Variants in TPO observed in about 807,000 individuals in gnomAD.
The protein encoded by TPO is thyroid microsomal antigen.
Under a neutral mutation model 96.9 loss-of-function variants are expected in TPO, and 78 were observed. The ratio of observed to expected loss-of-function variants is 0.81; its 90% CI spans 0.67 to 0.97. TPO has a LOEUF of 0.97. Among genes scored for constraint, TPO ranks in the 50% least tolerant of loss-of-function variants. TPO has a pLI of 0.00. For synonymous variants in TPO, 547 were observed against 538.0 expected, an observed-to-expected ratio of 1.02 and a Z score of -0.23; for missense variants, 1,252 against 1,274.8, an observed-to-expected ratio of 0.98 and a Z score of 0.27.
chr2:1,510,389 G>A (rs1284315065), intron 14 of TPO, among the ~76,000 whole-genome samples: 1 of 152,128 alleles, frequency 6.6e-6, no homozygotes, highest in Non-Finnish European at 1.5e-5. Context: ...CTGTATTTTT[G>A]ATAATATCTA....
intron 2 of TPO, among the ~76,000 whole-genome samples, chr2:1,420,486 G>A (rs557139846): frequency 2.0e-4 from 30 of 152,230 alleles, no homozygotes; most frequent in African/African-American, 6.0e-4. Context: ...AGATCAGCAG[G>A]ATCAAAATTT....
At chr2:1,380,372 C>T (rs370644909) in intron 1 of TPO, among the ~76,000 whole-genome samples, 2,065 of 134,926 alleles carry the variant, frequency 0.015, 56 homozygotes, top group South Asian at 0.12. Flanking sequence ...CCAGCCTGGG[C>T]GACAGAGCGA....
In TPO at chr2:1,478,540, A is replaced by G. The variant is rs539391862; in HGVS notation, c.1338+936A>G. Among the ~76,000 whole-genome samples, 11 of 152,368 alleles carry G rather than the reference A, an allele frequency of 7.2e-5. No homozygotes were observed. In the East Asian group the frequency reaches 1.9e-3, roughly 27 times the overall value. ...TCTGGCCTTCACTGCACTGGGGTCC[A>G]GGCCCCAAAGGTCAGAGCAGAGGGT... is the stretch of plus-strand genomic sequence containing the variant. On this transcript the variant is annotated intron_variant, in intron 8 of 16. Transcript: ENST00000329066.
chr2:1,542,545 C>T lies in TPO; in HGVS notation c.*71C>T. 1 of 1,603,780 alleles carries T rather than the reference C, an allele frequency of 6.2e-7. No homozygotes were observed. Among genetic ancestry groups the T allele is most frequent in the South Asian group, 1.1e-5 (1 of 89,184 alleles). On this transcript the variant is annotated 3_prime_UTR_variant, in exon 17 of 17. Transcript: ENST00000329066. ...TCACCGTACGACTCTTTTCCAAACA[C>T]AGGCAAATCCGAAATCAGCAGGACG...
chr2:1,413,677 A>T, intron 1 of TPO, 132 bp downstream of exon 1: 1 of 985,316 alleles, frequency 1.0e-6, no homozygotes, highest in Middle Eastern at 5.2e-4. Flanking sequence ...AGCAAAGCTG[A>T]CTGACTGACT....
intron 14 of TPO, among the ~76,000 whole-genome samples, chr2:1,514,498 C>A (rs1362667374): frequency 6.6e-6 from 1 of 152,192 alleles, no homozygotes; most frequent in Non-Finnish European, 1.5e-5. Context: ...TTCCAAAGGC[C>A]CTCGTTGGCC....
chr2:1,537,476 T>C (rs59468106), intron 15 of TPO, among the ~76,000 whole-genome samples: 183 of 27,160 alleles, frequency 6.7e-3, no homozygotes, highest in South Asian at 0.011. Context: ...CTCCTCAAAT[T>C]CTTCCACTCT....
At chr2:1,470,558 T>C (rs1669304971) in intron 7 of TPO, among the ~76,000 whole-genome samples, 1 of 150,420 alleles carries the variant, frequency 6.6e-6, no homozygotes, top group South Asian at 2.1e-4. Context: ...TTTTTCTATA[T>C]TTTATTTTAA....
chr2:1,471,734 G>A (rs1346912176), intron 7 of TPO, among the ~76,000 whole-genome samples: 2 of 152,106 alleles, frequency 1.3e-5, no homozygotes, highest in African/African-American at 4.8e-5. Flanking sequence ...TAGGGGAAAG[G>A]GGGCATGATA....
At chr2:1,535,201 CTCA>C (rs1679319312) in intron 15 of TPO, among the ~76,000 whole-genome samples, 2 of 136,170 alleles carry the variant, frequency 1.5e-5, no homozygotes, top group African/African-American at 2.8e-5. Context: ...CTTGTGCAAC[CTCA>C]TCAATTTCCC....
chr2:1,536,118 C>A lies in TPO; in HGVS notation c.2619-4476C>A, dbSNP rs1343664238. ...CCTTCCCAAATCCCCCCATTATGTG[C>A]AACCTCCCCAAATCCCCCAATCTAT... is the stretch of plus-strand genomic sequence containing the variant. On this transcript the variant is annotated intron_variant, in intron 15 of 16. Coordinates refer to ENST00000329066, the MANE Select transcript of TPO (RefSeq NM_001206744.2). Among the ~76,000 whole-genome samples, 3 of 43,328 alleles carry A rather than the reference C, an allele frequency of 6.9e-5. 1 individual carries two copies. The highest frequency in any genetic ancestry group is 1.3e-4 in the Non-Finnish European group (3 of 22,594). The allele number at this position is 43,328 out of a possible 152,430, so 28.4% of individuals were successfully genotyped here. A position where few individuals can be genotyped will look rare whatever the true frequency, so the allele number is the denominator to read the frequency against.
At chr2:1,523,145 T>A (rs1489384074) in intron 15 of TPO, among the ~76,000 whole-genome samples, 52 of 73,622 alleles carry the variant, frequency 7.1e-4, no homozygotes, top group East Asian at 1.4e-3. Context: ...ACCCTGTGCA[T>A]CCTCCCAAAA....
At chr2:1,464,426 G>T (rs552268271) in intron 7 of TPO, among the ~76,000 whole-genome samples, 1 of 152,252 alleles carries the variant, frequency 6.6e-6, no homozygotes, top group African/African-American at 2.4e-5. Flanking sequence ...GAATGGGATC[G>T]CTGGATCAAA....
chr2:1,417,953 G>A (rs1663092470), intron 2 of TPO, among the ~76,000 whole-genome samples: 1 of 124,720 alleles, frequency 8.0e-6, no homozygotes, highest in African/African-American at 3.1e-5. Context: ...TCCCAACACA[G>A]TATTAGGCCA....
intron 2 of TPO, among the ~76,000 whole-genome samples, chr2:1,421,363 C>G (rs145718696): frequency 1.4e-4 from 22 of 152,366 alleles, no homozygotes; most frequent in African/African-American, 4.6e-4. Context: ...GTGCAAACTT[C>G]TCTCTAAAAC....
intron 6 of TPO, among the ~76,000 whole-genome samples, chr2:1,455,187 A>G (rs948264084): frequency 1.3e-5 from 2 of 152,136 alleles, no homozygotes; most frequent in Admixed American, 1.3e-4. Flanking sequence ...ACTGGATTGG[A>G]CACTCGTGGA....
chr2:1,492,164 G>GTT (rs11404899), intron 10 of TPO, among the ~76,000 whole-genome samples: 1 of 151,684 alleles, frequency 6.6e-6, no homozygotes. Context: ...TTTGTTTTTT[G>GTT]TTTTTTTGAG....
chr2:1,460,959 C>T (rs1668371311), intron 7 of TPO, among the ~76,000 whole-genome samples: 1 of 152,196 alleles, frequency 6.6e-6, no homozygotes, highest in Non-Finnish European at 1.5e-5. Context: ...TGGGCAAGAG[C>T]TGGTGAAAAG....
chr2:1,398,437 G>T (rs1413193340), intron 1 of TPO, among the ~76,000 whole-genome samples: 2 of 152,188 alleles, frequency 1.3e-5, no homozygotes, highest in African/African-American at 4.8e-5. Context: ...GCTTCCCACT[G>T]CAAACAAGGC....
Sources: gnomAD v4.1 joint callset for allele counts (sites outside exome capture counted in the v4.1 genomes callset) on GRCh38, gnomAD v4.1.1 for gene constraint, MANE v1.5 for transcripts, NCBI Gene and HGNC (gene_info 2026-07-23, HGNC 2026-07-21) for gene names.